COBLL1: variants seen among roughly 807,000 people sequenced by gnomAD.
The protein encoded by COBLL1 is cordon-bleu WH2 repeat protein like 1.
COBLL1 carries 50 observed loss-of-function variants against 94.8 expected under a neutral mutation model. The observed-to-expected ratio is 0.53, with a 90% CI of 0.42 to 0.67. The LOEUF is 0.67. COBLL1 is among the 30% of genes least tolerant of loss of function. COBLL1 has a pLI of 0.00. For synonymous variants in COBLL1, 448 were observed against 473.8 expected (o/e 0.95, Z 0.71); for missense variants, 1,362 against 1,348.7 (o/e 1.01, Z -0.15).
chr2:164,686,334 C>A (rs1398888886), intron 13 of COBLL1, among the ~76,000 whole-genome samples: 1 of 152,080 alleles, frequency 6.6e-6, no homozygotes, highest in African/African-American at 2.4e-5. Context: ...TGTTAAAGAG[C>A]ATTTTTAGCT....
chr2:164,723,382 C>T (rs1338820300), intron 5 of COBLL1: 1 of 152,082 alleles, frequency 6.6e-6, no homozygotes. Context: ...GCTGAGCCTC[C>T]CTGGCCCAAA....
intron 11 of COBLL1, chr2:164,696,512 G>T (rs1413853339): frequency 6.6e-6 from 1 of 152,134 alleles, no homozygotes; most frequent in East Asian, 1.9e-4. Context: ...TCAATGACAT[G>T]AAATCAGTCA....
chr2:164,765,784 T>C (rs146065688), intron 2 of COBLL1, among the ~76,000 whole-genome samples: 2,465 of 152,268 alleles, frequency 0.016, 32 homozygotes, highest in Non-Finnish European at 0.023. Flanking sequence ...TAATCAAAAA[T>C]ACATTTAGGA....
intron 7 of COBLL1, among the ~76,000 whole-genome samples, chr2:164,705,543 G>T (rs1207521788): frequency 6.6e-6 from 1 of 152,126 alleles, no homozygotes; most frequent in African/African-American, 2.4e-5. Context: ...ATGTCTACCT[G>T]AGGCCAGGTC....
At chr2:164,754,654 A>C (rs989124121) in intron 2 of COBLL1, among the ~76,000 whole-genome samples, 1 of 152,184 alleles carries the variant, frequency 6.6e-6, no homozygotes, top group Non-Finnish European at 1.5e-5. Flanking sequence ...GATTTGACGT[A>C]CTCGCTGTTC....
chr2:164,840,750 T>C lies in COBLL1; in HGVS notation c.41+406A>G, dbSNP rs536319556. On this transcript the variant is annotated intron_variant, in intron 2 of 13. Coordinates refer to ENST00000652658, the MANE Select transcript of COBLL1 (RefSeq NM_001365672.2). ...CCCACTCCCTACAGTCACCTTGACA[T>C]TGCTCACCTGCCTGGGCCTCAGCCC... is the stretch of plus-strand genomic sequence containing the variant. 1.2e-4 allele frequency: 20 copies of C among 165,064 alleles called. No individual in the cohort carries two copies. In the South Asian group the frequency reaches 1.4e-3, roughly 12 times the overall value. 10.2% of individuals were successfully genotyped at this position (165,064 alleles called of 1,614,324 possible).
chr2:164,678,022 A>C (rs1035335340), downstream of COBLL1, among the ~76,000 whole-genome samples: 1 of 152,132 alleles, frequency 6.6e-6, no homozygotes, highest in Non-Finnish European at 1.5e-5. Flanking sequence ...AACTGCTAAC[A>C]CTGAGCTTTT....
chr2:164,833,353 CA>C (rs1360875217), intron 2 of COBLL1, among the ~76,000 whole-genome samples: 1 of 151,816 alleles, frequency 6.6e-6, no homozygotes, highest in Non-Finnish European at 1.5e-5. Context: ...GACCCTGTCT[CA>C]AAAATAAATA....
At chr2:164,827,473 A>G (rs1468715038) in intron 2 of COBLL1, among the ~76,000 whole-genome samples, 1 of 152,212 alleles carries the variant, frequency 6.6e-6, no homozygotes, top group Non-Finnish European at 1.5e-5. Context: ...TTTCTTTCCT[A>G]TGTGCCCACA....
chr2:164,676,696 T>C (rs1005448414), downstream of COBLL1, among the ~76,000 whole-genome samples: 1 of 150,350 alleles, frequency 6.7e-6, no homozygotes, highest in Non-Finnish European at 1.5e-5. Flanking sequence ...TTTCCCCCCC[T>C]TTTTCTGCCA....
chr2:164,796,594 T>C (rs1683468825), intron 2 of COBLL1, among the ~76,000 whole-genome samples: 1 of 151,312 alleles, frequency 6.6e-6, no homozygotes. Flanking sequence ...TATAATAAAG[T>C]ATTTTAATAT....
intron 2 of COBLL1, among the ~76,000 whole-genome samples, chr2:164,760,489 A>T (rs569055860): frequency 2.6e-5 from 4 of 152,340 alleles, no homozygotes; most frequent in Admixed American, 2.6e-4. Context: ...AAATCTACAC[A>T]TGTGGCAAAG....
intron 2 of COBLL1, among the ~76,000 whole-genome samples, chr2:164,778,582 G>A (rs912313271): frequency 2.0e-5 from 3 of 152,166 alleles, no homozygotes; most frequent in Non-Finnish European, 2.9e-5. Context: ...TAGCCTGGGC[G>A]ACAGAGTGAG....
chr2:164,841,538 G>C lies in COBLL1; in HGVS notation c.-51+172C>G. 1.1e-6 allele frequency: 1 copy of C among 888,516 alleles called. No individual in the cohort carries two copies. The allele number at this position is 888,516 out of a possible 1,614,324, so 55.0% of individuals were successfully genotyped here. On this transcript the variant is annotated intron_variant, in intron 1 of 13. Transcript: ENST00000652658. This position sits in a 1 kb window ranked among gnomAD's most constrained non-coding sequence, Gnocchi z 5.5. Reference sequence around the variant, plus strand: ...GCCTCTCGGAGGGAGAGGAGCCGCCGGGGCTGGAAAAGGAGGAGGAGCGGG... The same window carrying C: ...GCCTCTCGGAGGGAGAGGAGCCGCCCGGGCTGGAAAAGGAGGAGGAGCGGG...
chr2:164,839,398 A>C (rs369487868), intron 2 of COBLL1, among the ~76,000 whole-genome samples: 110 of 152,094 alleles, frequency 7.2e-4, no homozygotes, highest in African/African-American at 2.6e-3. Context: ...TTTCGGATCA[A>C]CTAGGCAACA....
At chr2:164,791,371 T>C (rs148150512) in intron 2 of COBLL1, among the ~76,000 whole-genome samples, 384 of 148,602 alleles carry the variant, frequency 2.6e-3, no homozygotes, top group African/African-American at 9.2e-3. Context: ...CAAAAACACA[T>C]GGCCAGAAAG....
At chr2:164,711,476 C>T (rs1684896354) in intron 7 of COBLL1, among the ~76,000 whole-genome samples, 1 of 152,126 alleles carries the variant, frequency 6.6e-6, no homozygotes, top group Non-Finnish European at 1.5e-5. Context: ...GTTCAGGAAC[C>T]AATGCTTAGT....
In COBLL1 at chr2:164,841,485, C is replaced by T. The variant is rs1683616967; in HGVS notation, c.-51+225G>A. ...GGCGGTGGCGCTGCAGCCCCCGCCC[C>T]GTGGGGTTTACTGGGTAGCCATTTG... On this transcript the variant is annotated intron_variant, in intron 1 of 13. Transcript: ENST00000652658. The surrounding 1 kb of genome is among the most constrained non-coding windows in gnomAD (Gnocchi z 5.5). 1.8e-6 allele frequency: 2 copies of T among 1,126,624 alleles called. No individual in the cohort carries two copies. The highest frequency in any genetic ancestry group is 1.6e-5 in the African/African-American group (1 of 60,978). The allele number at this position is 1,126,624 out of a possible 1,614,324, so 69.8% of individuals were successfully genotyped here. A position where few individuals can be genotyped will look rare whatever the true frequency, so the allele number is the denominator to read the frequency against.
chr2:164,748,112 A>G (rs1686961580), intron 2 of COBLL1, among the ~76,000 whole-genome samples: 2 of 152,150 alleles, frequency 1.3e-5, no homozygotes, highest in South Asian at 4.1e-4. Context: ...GAATTTTGAT[A>G]AGCAGAGCCT....
Sources: allele counts gnomAD v4.1 joint callset (sites outside exome capture counted in the v4.1 genomes callset), GRCh38; gene constraint gnomAD v4.1.1; non-coding constraint Gnocchi (gnomAD v3.1); transcripts MANE v1.5; gene names NCBI Gene and HGNC (gene_info 2026-07-23, HGNC 2026-07-21).